The following ZNF219 variants were observed in gnomAD, a reference collection of about 807,000 sequenced individuals.
ZNF219 encodes the protein zinc finger protein 219.
ZNF219 carries 17 observed loss-of-function variants against 54.4 expected under a neutral mutation model. The observed-to-expected ratio is 0.31, with a 90% confidence interval of 0.21 to 0.47. The LOEUF is 0.47. Ranked by LOEUF, ZNF219 falls within the 20% of genes least tolerant of loss-of-function variation. The pLI is 1.00. For missense variants in ZNF219, 1,014 were observed against 1,062.3 expected, an observed-to-expected ratio of 0.95 and a Z score of 0.63; for synonymous variants, 518 against 476.4, an observed-to-expected ratio of 1.09 and a Z score of -1.14.
In ZNF219 at chr14:21,092,250, G is replaced by T; in HGVS notation, c.1047C>A (p.Leu349=). 2 of 1,462,890 alleles carry T rather than the reference G, an allele frequency of 1.4e-6. No homozygotes were observed. The highest frequency in any genetic ancestry group is 1.8e-6 in the Non-Finnish European group (2 of 1,111,832). The allele number at this position is 1,462,890 out of a possible 1,614,324, so 90.6% of individuals were successfully genotyped here. ...CCAACGGCTCATAGGCCAGCAGGCCGAGGTCAGGAGGCTGGGGGGCGCGGG... is the reference window on the plus strand; with the variant it reads ...CCAACGGCTCATAGGCCAGCAGGCCTAGGTCAGGAGGCTGGGGGGCGCGGG... ...GPARAPQPPD[L]GLLAYEPLGP... Residue 349 remains leucine (L), a synonymous_variant, in exon 3 of 5, where the codon CTC becomes CTA. Transcript: ENST00000360947.
intron 2 of ZNF219, 32 bp from the exon 3 acceptor site, chr14:21,093,322 T>A: frequency 1.9e-6 from 3 of 1,538,786 alleles, no homozygotes; most frequent in Non-Finnish European, 2.6e-6. Flanking sequence ...GAGCAAAGGG[T>A]GAAGGTAGAG....
chr14:21,094,726 T>TGGGGGGGG (rs10687101), intron 1 of ZNF219, among the ~76,000 whole-genome samples: 35 of 5,860 alleles, frequency 6.0e-3, no homozygotes, highest in Admixed American at 0.011. Context: ...GGATAGGGGT[T>TGGGGGGGG]GGGGGGGGGG....
chr14:21,098,356 CGGCGGCG>C lies in ZNF219; in HGVS notation c.-135_-129del, dbSNP rs938878533. The C allele has an allele frequency of 6.2e-5, 22 of 357,432 alleles. No individual in the cohort carries two copies. The highest frequency in any genetic ancestry group is 1.4e-4 in the Admixed American group (2 of 14,590). 22.1% of individuals were successfully genotyped at this position (357,432 alleles called of 1,614,324 possible). ...GCGGAGCGGGCGGCGGCGGCGGCGG[CGGCGGCG>C]GGCGGCGGGCCGGCGGCGCGGGCGT... is the stretch of plus-strand genomic sequence containing the variant. On this transcript the variant is annotated 5_prime_UTR_variant, in exon 1 of 5. The change abolishes the stop of an existing upstream ORF in the 5' untranslated region. Transcript: ENST00000360947.
At chr14:21,093,992 G>T (rs1452107787) in intron 1 of ZNF219, among the ~76,000 whole-genome samples, 1 of 152,184 alleles carries the variant, frequency 6.6e-6, no homozygotes, top group East Asian at 1.9e-4. Context: ...CATGTAGGTT[G>T]GGCTATGCAG....
chr14:21,102,245 C>A, upstream of ZNF219: 1 of 1,411,866 alleles, frequency 7.1e-7, no homozygotes, highest in Non-Finnish European at 9.6e-7. Flanking sequence ...TGACTGGCCT[C>A]AATCACTGAG....
Position 21,090,670 on chromosome 14 carries a change from G to A in ZNF219, c.2035C>T (p.Pro679Ser). Residue 679 changes from proline (P) to serine (S), a missense_variant, in exon 5 of 5, where the codon CCC becomes TCC. Pro to Ser is a moderately conservative substitution (Grantham distance 74). This residue lies in a region of ZNF219 where 281 missense variants were observed against 271.2 expected (regional missense o/e 1.04). Transcript: ENST00000360947. The surrounding 1 kb of genome is among the most constrained non-coding windows in gnomAD (Gnocchi z 4.4). Reference protein sequence around the residue: ...HSRRARGRRPPQADASPPYAR... With the variant: ...HSRRARGRRPSQADASPPYAR... ...TAGGGCGGGGACGCGTCAGCCTGGG[G>A]TGGCCGGCGGCCCCTAGCCCGGCGG... is the stretch of plus-strand genomic sequence containing the variant. 1 of 1,612,212 alleles carries A rather than the reference G, an allele frequency of 6.2e-7. No individual in the cohort carries two copies. The highest frequency in any genetic ancestry group is 1.3e-5 in the African/African-American group (1 of 75,056).
intron 1 of ZNF219, chr14:21,094,301 A>C: frequency 2.2e-6 from 1 of 448,040 alleles, no homozygotes; most frequent in Non-Finnish European, 4.5e-6. Context: ...GGAGGGAGCC[A>C]GAGGGAGAGG....
chr14:21,102,516 G>C (rs1278529654), upstream of ZNF219: 3 of 1,551,774 alleles, frequency 1.9e-6, no homozygotes, highest in Admixed American at 5.9e-5. Flanking sequence ...CTCCTCCCAG[G>C]TACTGGTCAA....
chr14:21,102,981 G>T (rs980971595), upstream of ZNF219: 1 of 1,370,626 alleles, frequency 7.3e-7, no homozygotes, highest in African/African-American at 1.5e-5. Flanking sequence ...CCAAATGATT[G>T]AGGTTAAAAG....
chr14:21,103,026 G>A (rs1252944835), upstream of ZNF219: 2 of 1,514,688 alleles, frequency 1.3e-6, no homozygotes, highest in South Asian at 1.2e-5. Context: ...CTAAATATTG[G>A]CAGGACTATG....
At chr14:21,095,415 C>G (rs186942287) in intron 1 of ZNF219, among the ~76,000 whole-genome samples, 1 of 152,302 alleles carries the variant, frequency 6.6e-6, no homozygotes, top group East Asian at 1.9e-4. Flanking sequence ...CTATTGTAGG[C>G]CTAGTCTGAA....
At position 21,092,028 on chromosome 14, in the gene ZNF219, C is replaced by T. The variant is rs759966544; in HGVS notation, c.1269G>A (p.Ala423=). 5 of 1,550,538 alleles carry T rather than the reference C, an allele frequency of 3.2e-6. No individual in the cohort carries two copies. Among genetic ancestry groups the T allele is most frequent in the Admixed American group, 2.0e-5 (1 of 51,000 alleles). ...CCTCCTCTTCTTCCTCAGGCTCCTC[C>T]GCACGGTGCCGGCGAGCCCGGGCCG... is the stretch of plus-strand genomic sequence containing the variant. ...ALPARARRHR[A]EEPEEEEEVV... The change falls in exon 3 of 5, where the codon GCG becomes GCA. Residue 423 remains alanine, a synonymous_variant. Transcript: ENST00000360947.
Position 21,090,446 on chromosome 14 carries a change from G to C in ZNF219, c.*90C>G. On this transcript the variant is annotated 3_prime_UTR_variant, in exon 5 of 5. Coordinates refer to ENST00000360947, the MANE Select transcript of ZNF219 (RefSeq NM_016423.3). The surrounding 1 kb of genome is among the most constrained non-coding windows in gnomAD (Gnocchi z 4.4). ...GGGGCTGGGATATGGGTCCCACGCT[G>C]CCCCCTGCTGGCTTCTCTACCCAAC... is the stretch of plus-strand genomic sequence containing the variant. 6.8e-7 allele frequency: 1 copy of C among 1,468,576 alleles called. No individual in the cohort carries two copies. The highest frequency in any genetic ancestry group is 9.1e-7 in the Non-Finnish European group (1 of 1,094,162). 91.0% of individuals were successfully genotyped at this position (1,468,576 alleles called of 1,614,324 possible). A position where few individuals can be genotyped will look rare whatever the true frequency, so the allele number is the denominator to read the frequency against.
upstream of ZNF219, chr14:21,102,241 G>A (rs1889687743): frequency 1.4e-6 from 2 of 1,408,044 alleles, no homozygotes; most frequent in African/African-American, 2.9e-5. Context: ...CCACTGACTG[G>A]CCTCAATCAC....
chr14:21,093,586 C>G lies in ZNF219; in HGVS notation c.6G>C (p.Glu2Asp). Reference sequence around the variant, plus strand: ...AGGTTGAAGCCAGAGCTTCACTCACCTCCATGGACCCCCTTCACATTCTTT... The same window carrying G: ...AGGTTGAAGCCAGAGCTTCACTCACGTCCATGGACCCCCTTCACATTCTTT... M[E>D]GSRPRAPSGH... is the part of the protein sequence containing the mutation. Residue 2 changes from glutamate (E) to aspartate (D), a missense_variant and splice_region_variant, in exon 2 of 5, where the codon GAG (glutamate) becomes GAC (aspartate). Physicochemically the swap from Glu to Asp is conservative, Grantham distance 45. Transcript: ENST00000360947. 1 of 1,614,092 alleles carries G rather than the reference C, an allele frequency of 6.2e-7. No individual in the cohort carries two copies. Among genetic ancestry groups the G allele is most frequent in the Non-Finnish European group, 8.5e-7 (1 of 1,179,976 alleles).
upstream of ZNF219, chr14:21,103,395 T>C: frequency 7.4e-7 from 1 of 1,352,776 alleles, no homozygotes; most frequent in Non-Finnish European, 9.8e-7. Context: ...TCCTTCCCTG[T>C]TAGGGGAAGA....
rs1309016417 is a variant in ZNF219 at position 21,093,099 on chromosome 14, G to A, written c.198C>T (p.Phe66=). The A allele has an allele frequency of 6.2e-7, 1 of 1,607,746 alleles. No individual in the cohort carries two copies. Among genetic ancestry groups the A allele is most frequent in the Non-Finnish European group, 8.5e-7 (1 of 1,178,316 alleles). ...RFPCPVCGKR[F]RFNSILALHL... is the part of the protein sequence containing the mutation. Reference sequence around the variant, plus strand: ...GCAAAGCAAGGATAGAGTTGAAGCGGAAGCGCTTCCCGCATACAGGGCAGG... The same window carrying A: ...GCAAAGCAAGGATAGAGTTGAAGCGAAAGCGCTTCCCGCATACAGGGCAGG... Residue 66 remains phenylalanine (F), a synonymous_variant, in exon 3 of 5, where the codon TTC becomes TTT. Transcript: ENST00000360947.
Position 21,090,777 on chromosome 14 carries a change from C to A in ZNF219, c.1928G>T (p.Gly643Val). 2.5e-6 allele frequency: 4 copies of A among 1,597,034 alleles called. No individual in the cohort carries two copies. Among genetic ancestry groups the A allele is most frequent in the East Asian group, 2.3e-5 (1 of 44,186 alleles). Residue 643 changes from glycine (G) to valine (V), a missense_variant, in exon 5 of 5, where the codon GGT (glycine) becomes GTT (valine). Around this residue, in one of 5 missense-constraint regions of ZNF219, gnomAD observed 281 missense variants for 271.2 expected, o/e 1.04. Transcript: ENST00000360947. This position sits in a 1 kb window ranked among gnomAD's most constrained non-coding sequence, Gnocchi z 4.4. ...AGPGGEAGPG[G>V]ALHRCLFCPF... ...GCAGAAGAGGCAGCGGTGGAGGGCA[C>A]CCCCAGGCCCGGCCTCGCCTCCCGG...
rs746118619 is a variant in ZNF219, at chr14:21,092,634, G to A, written c.663C>T (p.Ala221=). ...GCTGAGGCGGAGGCGCAGCGGAGGT[G>A]GCCGCCAGGGGACGCTCGGGAGCCC... ...AHGAPERPLA[A]TSAAPPPQPQ... is the part of the protein sequence containing the mutation. Residue 221 remains alanine (A), a synonymous_variant, in exon 3 of 5, where the codon GCC becomes GCT. Transcript: ENST00000360947. The A allele has an allele frequency of 7.1e-6, 11 of 1,559,536 alleles. No individual in the cohort carries two copies. In the African/African-American group the frequency reaches 9.4e-5, roughly 13 times the overall value.
Sources: allele counts gnomAD v4.1 joint callset (sites outside exome capture counted in the v4.1 genomes callset), GRCh38; gene constraint gnomAD v4.1.1; regional missense constraint gnomAD v4.1.1; non-coding constraint Gnocchi (gnomAD v3.1); transcripts MANE v1.5; gene names NCBI Gene and HGNC (gene_info 2026-07-23, HGNC 2026-07-21).